The following PPP1R16A variants were observed in gnomAD, a reference collection of about 807,000 sequenced individuals.
PPP1R16A encodes protein phosphatase 1 regulatory subunit 16A.
A neutral mutation model predicts 46.6 loss-of-function variants in PPP1R16A; 39 were observed. The ratio of observed to expected loss-of-function variants is 0.84; its 90% CI spans 0.65 to 1.09. The LOEUF (loss-of-function observed/expected upper bound fraction) is 1.09, where lower values mean the gene tolerates loss of function less well. Among genes scored for constraint, PPP1R16A ranks in the 50% least tolerant of loss-of-function variants. The pLI, the probability that PPP1R16A is intolerant of heterozygous loss-of-function variation, is 0.00. For synonymous variants in PPP1R16A, 413 were observed against 321.5 expected, an observed-to-expected ratio of 1.28 and a Z score of -3.04; for missense variants, 798 against 735.6, an observed-to-expected ratio of 1.08 and a Z score of -0.98.
chr8:144,488,942 C>T (rs901457434), intron 1 of PPP1R16A, among the ~76,000 whole-genome samples: 1 of 151,376 alleles, frequency 6.6e-6, no homozygotes, highest in Non-Finnish European at 1.5e-5. Flanking sequence ...AGTGGCTCAC[C>T]CCTGTAATCC....
intron 1 of PPP1R16A, among the ~76,000 whole-genome samples, chr8:144,482,611 C>T (rs1825476768): frequency 6.6e-6 from 1 of 152,002 alleles, no homozygotes; most frequent in Admixed American, 6.6e-5. Flanking sequence ...CCTCAACCTC[C>T]CGAGTAGCTG....
intron 2 of PPP1R16A, among the ~76,000 whole-genome samples, chr8:144,494,623 C>T (rs576047677): frequency 2.0e-4 from 31 of 152,274 alleles, no homozygotes; most frequent in Middle Eastern, 3.4e-3. Context: ...CTTTCCTTCC[C>T]GTGGCTGGAG....
chr8:144,492,213 G>A (rs1200012955), intron 2 of PPP1R16A, among the ~76,000 whole-genome samples: 4 of 152,164 alleles, frequency 2.6e-5, no homozygotes, highest in African/African-American at 7.2e-5. Context: ...TGCGATGTGC[G>A]GCCAGAGGGC....
chr8:144,480,895 G>GT lies in PPP1R16A; in HGVS notation c.-914+2779dup, dbSNP rs1265685667. Among the ~76,000 whole-genome samples the GT allele has an allele frequency of 6.5e-3, 959 of 146,586 alleles. 9 individuals carry two copies. Among genetic ancestry groups the GT allele is most frequent in the African/African-American group, 0.023 (911 of 40,154 alleles). On this transcript the variant is annotated intron_variant, in intron 1 of 11. Transcript: ENST00000435887. ...TTGTTTAATGGGTTTTGTTTGATGG[G>GT]TTTTTTTTTTTGACGGAGTCTCATG...
chr8:144,481,414 G>A (rs1439729072), intron 1 of PPP1R16A, among the ~76,000 whole-genome samples: 4 of 151,592 alleles, frequency 2.6e-5, no homozygotes, highest in African/African-American at 9.7e-5. Context: ...AGGCTGAGGC[G>A]GGTGGATCAT....
chr8:144,492,390 C>T lies in PPP1R16A; in HGVS notation c.-735+2178C>T, dbSNP rs528880202. Among the ~76,000 whole-genome samples, 9 of 144,652 alleles carry T rather than the reference C, an allele frequency of 6.2e-5. No individual in the cohort carries two copies. In the South Asian group the frequency reaches 2.0e-3, roughly 32 times the overall value. The allele number at this position is 144,652 out of a possible 152,430, so 94.9% of individuals were successfully genotyped here. A position where few individuals can be genotyped will look rare whatever the true frequency, so the allele number is the denominator to read the frequency against. On this transcript the variant is annotated intron_variant, in intron 2 of 11. Coordinates refer to ENST00000435887, the MANE Select transcript of PPP1R16A (RefSeq NM_001329443.2). Reference sequence around the variant, plus strand: ...TCTCTCTGTCACCCAGGCTGGGGTGCAGTGGTGCGATCTCAGCTCAGTGCA... The same window carrying T: ...TCTCTCTGTCACCCAGGCTGGGGTGTAGTGGTGCGATCTCAGCTCAGTGCA...
chr8:144,479,841 G>A lies in PPP1R16A; in HGVS notation c.-914+1714G>A, dbSNP rs578185373. Reference sequence around the variant, plus strand: ...TGGCACTGGTGCACGCACACCTAAAGGGAGGCCTTTTCATCAGACTTGCTC... The same window carrying A: ...TGGCACTGGTGCACGCACACCTAAAAGGAGGCCTTTTCATCAGACTTGCTC... On this transcript the variant is annotated intron_variant, in intron 1 of 11. Transcript: ENST00000435887. 2.0e-5 allele frequency among the ~76,000 whole-genome samples: 3 copies of A among 152,274 alleles called. No homozygotes were observed. The East Asian group carries it at 5.8e-4, about 29-fold the overall frequency.
chr8:144,492,473 C>G (rs1389970498), intron 2 of PPP1R16A, among the ~76,000 whole-genome samples: 1 of 151,742 alleles, frequency 6.6e-6, no homozygotes, highest in East Asian at 1.9e-4. Context: ...GTAGCTGGGA[C>G]TACAGGCGCC....
At position 144,497,189 on chromosome 8, in the gene PPP1R16A, G is replaced by T. The variant is rs922424334; in HGVS notation, c.-6G>T. 1 of 1,555,554 alleles carries T rather than the reference G, an allele frequency of 6.4e-7. No individual in the cohort carries two copies. The highest frequency in any genetic ancestry group is 8.7e-7 in the Non-Finnish European group (1 of 1,152,708). ...CGAGCAGCCCTGTGGGCAAGCAGCC[G>T]CCGCCATGGCCGAGCACCTGGAGCT... On this transcript the variant is annotated 5_prime_UTR_variant, in exon 3 of 12. Transcript: ENST00000435887.
At position 144,497,156 on chromosome 8, in the gene PPP1R16A, T is replaced by G; in HGVS notation, c.-39T>G. 6.5e-7 allele frequency: 1 copy of G among 1,541,454 alleles called. No individual in the cohort carries two copies. Among genetic ancestry groups the G allele is most frequent in the Non-Finnish European group, 8.7e-7 (1 of 1,146,982 alleles). On this transcript the variant is annotated 5_prime_UTR_variant, in exon 3 of 12. Coordinates refer to ENST00000435887, the MANE Select transcript of PPP1R16A (RefSeq NM_001329443.2). ...AGCCTGGCCCCCAAGCTCCCCACTC[T>G]GGTGCCCCGAGCAGCCCTGTGGGCA...
In PPP1R16A at chr8:144,500,933, C is replaced by G. The variant is rs565790019; in HGVS notation, c.999C>G (p.Ser333=). 1.3e-6 allele frequency: 2 copies of G among 1,508,810 alleles called. No homozygotes were observed. Among genetic ancestry groups the G allele is most frequent in the Non-Finnish European group, 1.8e-6 (2 of 1,134,106 alleles). The allele number at this position is 1,508,810 out of a possible 1,614,324, so 93.5% of individuals were successfully genotyped here. A position where few individuals can be genotyped will look rare whatever the true frequency, so the allele number is the denominator to read the frequency against. Residue 333 remains serine (S), a synonymous_variant, in exon 10 of 12, where the codon TCC becomes TCG. Transcript: ENST00000435887. ...ALLRAQSRQR[S]LLRRRTSSAG... ...TGCGCGCCCAGAGCCGCCAGCGCTC[C>G]TTGCTGCGCCGCCGCACCTCCAGCG... is the stretch of plus-strand genomic sequence containing the variant.
Position 144,497,178 on chromosome 8 carries a change from G to T in PPP1R16A, c.-17G>T. ...CTCTGGTGCCCCGAGCAGCCCTGTG[G>T]GCAAGCAGCCGCCGCCATGGCCGAG... On this transcript the variant is annotated 5_prime_UTR_variant, in exon 3 of 12. Transcript: ENST00000435887. 1 of 1,547,898 alleles carries T rather than the reference G, an allele frequency of 6.5e-7. No homozygotes were observed. The highest frequency in any genetic ancestry group is 8.7e-7 in the Non-Finnish European group (1 of 1,148,926).
intron 1 of PPP1R16A, among the ~76,000 whole-genome samples, chr8:144,479,779 G>A (rs1319081872): frequency 4.6e-5 from 7 of 152,188 alleles, no homozygotes; most frequent in Non-Finnish European, 1.5e-5. Flanking sequence ...AGAACTGGGT[G>A]GCAGTTCCAG....
intron 11 of PPP1R16A, 92 bp from the exon 12 acceptor site, chr8:144,501,428 C>T (rs1826463335): frequency 3.4e-6 from 5 of 1,479,058 alleles, no homozygotes; most frequent in South Asian, 2.7e-5. Context: ...CCCATCTCTC[C>T]TGTCTGTCCC....
At chr8:144,486,081 C>G (rs775824718) in intron 1 of PPP1R16A, among the ~76,000 whole-genome samples, 1 of 152,090 alleles carries the variant, frequency 6.6e-6, no homozygotes, top group Non-Finnish European at 1.5e-5. Flanking sequence ...TTGGTTTTTT[C>G]CCCCAGTTTT....
chr8:144,480,413 C>T (rs552680515), intron 1 of PPP1R16A, among the ~76,000 whole-genome samples: 1 of 152,292 alleles, frequency 6.6e-6, no homozygotes, highest in East Asian at 1.9e-4. Context: ...CTCCCGCGTT[C>T]AAATGATTTT....
chr8:144,484,511 C>T (rs952304882), intron 1 of PPP1R16A, among the ~76,000 whole-genome samples: 7 of 152,236 alleles, frequency 4.6e-5, no homozygotes, highest in African/African-American at 9.7e-5. Context: ...CTTCAGTTCT[C>T]GTTGAGTCTC....
At position 144,501,975 on chromosome 8, in the gene PPP1R16A, G is replaced by C. The variant is rs1054383168; in HGVS notation, c.*72G>C. 1.4e-6 allele frequency: 2 copies of C among 1,408,488 alleles called. No individual in the cohort carries two copies. The highest frequency in any genetic ancestry group is 1.4e-5 in the African/African-American group (1 of 69,202). The allele number at this position is 1,408,488 out of a possible 1,614,324, so 87.2% of individuals were successfully genotyped here. ...GCTGCCTCCCCACGGTGCGTGCCCT[G>C]GTGCTGCGGGTGCAGCACGGAAACC... On this transcript the variant is annotated 3_prime_UTR_variant, in exon 12 of 12. Coordinates refer to ENST00000435887, the MANE Select transcript of PPP1R16A (RefSeq NM_001329443.2).
chr8:144,483,737 G>T (rs2620635), intron 1 of PPP1R16A, among the ~76,000 whole-genome samples: 1 of 151,402 alleles, frequency 6.6e-6, no homozygotes, highest in Non-Finnish European at 1.5e-5. Context: ...GTCTTGCTCT[G>T]TTGCCCAGGC....
Sources: gnomAD v4.1 joint callset for allele counts (sites outside exome capture counted in the v4.1 genomes callset) on GRCh38, gnomAD v4.1.1 for gene constraint, MANE v1.5 for transcripts, NCBI Gene and HGNC (gene_info 2026-07-23, HGNC 2026-07-21) for gene names.